Variants in CFAP141 observed in about 807,000 individuals in gnomAD.
CFAP141 encodes the protein cilia- and flagella-associated protein 141.
chr1:154,201,805 C>T, the CFAP141 span, among the ~76,000 whole-genome samples: 2 of 151,996 alleles, frequency 1.3e-5, no homozygotes. Context: ...TAGTCTCGCT[C>T]AGTCGCCCAG....
chr1:154,202,140 G>A, the CFAP141 span, among the ~76,000 whole-genome samples: 1 of 152,068 alleles, frequency 6.6e-6, no homozygotes, highest in African/African-American at 2.4e-5. Flanking sequence ...GTTTCACCAT[G>A]TTGGCCAGGC....
At chr1:154,199,614 T>C in the CFAP141 span, 3 of 905,756 alleles carry the variant, frequency 3.3e-6, no homozygotes, top group African/African-American at 3.4e-5. Context: ...TTTCCCATTA[T>C]TTGTGTTCTC....
the CFAP141 span, chr1:154,200,559 C>T: frequency 1.2e-6 from 2 of 1,614,166 alleles, no homozygotes; most frequent in East Asian, 4.5e-5. Context: ...TGCCATTTGC[C>T]ACAGACAGTG....
the CFAP141 span, among the ~76,000 whole-genome samples, chr1:154,204,582 ATTTTG>A: frequency 1.0e-3 from 153 of 148,842 alleles, no homozygotes; most frequent in African/African-American, 3.5e-3. Context: ...TGCCCAGCTC[ATTTTG>A]TTTTGTTTTG....
At chr1:154,203,659 C>T in the CFAP141 span, among the ~76,000 whole-genome samples, 1 of 152,114 alleles carries the variant, frequency 6.6e-6, no homozygotes, top group Non-Finnish European at 1.5e-5. Flanking sequence ...CTCAAGTGAT[C>T]CTCTGCCTTG....
chr1:154,200,309 T>A, the CFAP141 span: 1 of 747,496 alleles, frequency 1.3e-6, no homozygotes, highest in South Asian at 2.1e-5. Context: ...GGCAATGGAG[T>A]TAGAGTTGTG....
At chr1:154,205,872 T>C in the CFAP141 span, among the ~76,000 whole-genome samples, 1 of 152,022 alleles carries the variant, frequency 6.6e-6, no homozygotes, top group African/African-American at 2.4e-5. Flanking sequence ...CCGGGCTAAT[T>C]TTGTATTTTT....
At chr1:154,205,572 A>G in the CFAP141 span, 1 of 1,609,544 alleles carries the variant, frequency 6.2e-7, no homozygotes, top group Non-Finnish European at 8.5e-7. Context: ...GCTCAAAGGT[A>G]AAGGGAGGGG....
At chr1:154,205,265 A>G in the CFAP141 span, among the ~76,000 whole-genome samples, 3 of 152,204 alleles carry the variant, frequency 2.0e-5, no homozygotes, top group African/African-American at 7.2e-5. Context: ...CTGGTTCAAC[A>G]AATACTGCAC....
the CFAP141 span, chr1:154,205,773 C>T: frequency 1.2e-5 from 9 of 722,784 alleles, no homozygotes; most frequent in Non-Finnish European, 1.9e-5. Flanking sequence ...GGCGTGATCT[C>T]GGCTCACCGC....
the CFAP141 span, among the ~76,000 whole-genome samples, chr1:154,203,481 G>C: frequency 6.6e-6 from 1 of 151,566 alleles, no homozygotes; most frequent in African/African-American, 2.4e-5. Context: ...CTAGGCTGGA[G>C]TGCAGTGTGT....
chr1:154,202,595 T>TC, the CFAP141 span, among the ~76,000 whole-genome samples: 1 of 142,614 alleles, frequency 7.0e-6, no homozygotes, highest in Non-Finnish European at 1.5e-5. Flanking sequence ...GGTCAGGAGA[T>TC]CGAGACCATC....
the CFAP141 span, among the ~76,000 whole-genome samples, chr1:154,205,249 C>T: frequency 6.6e-6 from 1 of 152,210 alleles, no homozygotes; most frequent in African/African-American, 2.4e-5. Context: ...TGAATCTTCT[C>T]ATTCACTGGT....
At chr1:154,205,857 C>T in the CFAP141 span, among the ~76,000 whole-genome samples, 1 of 152,114 alleles carries the variant, frequency 6.6e-6, no homozygotes, top group African/African-American at 2.4e-5. Context: ...GAATGCACCA[C>T]CATGCCGGGC....
the CFAP141 span, among the ~76,000 whole-genome samples, chr1:154,203,153 T>G: frequency 1.1e-5 from 1 of 87,228 alleles, no homozygotes; most frequent in Non-Finnish European, 2.3e-5. Context: ...AAAAAAAAGT[T>G]GTTATCTCTG....
the CFAP141 span, among the ~76,000 whole-genome samples, chr1:154,202,617 G>A: frequency 2.7e-5 from 4 of 149,516 alleles, no homozygotes; most frequent in African/African-American, 9.8e-5. Context: ...TCACTAACAC[G>A]GTGAAACCCC....
the CFAP141 span, chr1:154,199,274 G>T: frequency 1.8e-6 from 1 of 561,464 alleles, no homozygotes. Flanking sequence ...ATTAACGAGA[G>T]AGTGGAGAAG....
chr1:154,199,181 A>G, the CFAP141 span, among the ~76,000 whole-genome samples: 5 of 151,844 alleles, frequency 3.3e-5, no homozygotes, highest in Admixed American at 2.0e-4. Context: ...TTACATCAAC[A>G]TAGTAAATCC....
the CFAP141 span, among the ~76,000 whole-genome samples, chr1:154,203,190 T>C: frequency 4.6e-5 from 1 of 21,530 alleles, no homozygotes; most frequent in Non-Finnish European, 7.6e-5. Context: ...TATATATATA[T>C]ATATATATAT....
Sources: gnomAD v4.1 joint callset for allele counts (sites outside exome capture counted in the v4.1 genomes callset) on GRCh38, gnomAD v4.1.1 for gene constraint, MANE v1.5 for transcripts, NCBI Gene and HGNC (gene_info 2026-07-23, HGNC 2026-07-21) for gene names.